The following TENM3 variants were observed in gnomAD, a reference collection of about 807,000 sequenced individuals.
TENM3 encodes the protein teneurin transmembrane protein 3.
TENM3 carries 63 observed loss-of-function variants against 255.1 expected under a neutral mutation model. The observed-to-expected ratio is 0.25, with a 90% CI of 0.20 to 0.30. The LOEUF is 0.30. Among genes scored for constraint, TENM3 ranks in the 10% least tolerant of loss-of-function variants. TENM3 has a pLI of 1.00. For missense variants in TENM3, 2,929 were observed against 3,461.1 expected (o/e 0.85, Z 3.86); for synonymous variants, 1,306 against 1,322.3 (o/e 0.99, Z 0.27).
At chr4:181,973,793 C>T in the TENM3 span, among the ~76,000 whole-genome samples, 2 of 152,026 alleles carry the variant, frequency 1.3e-5, no homozygotes, top group Non-Finnish European at 2.9e-5. Context: ...AAGTAGAATA[C>T]AGTCAATGGA....
the TENM3 span, among the ~76,000 whole-genome samples, chr4:181,634,879 T>C: frequency 1.2e-4 from 18 of 152,364 alleles, no homozygotes; most frequent in African/African-American, 4.1e-4. Context: ...AAATTACTTG[T>C]ATTATTTTGA....
At chr4:181,959,635 G>A in the TENM3 span, among the ~76,000 whole-genome samples, 1 of 152,118 alleles carries the variant, frequency 6.6e-6, no homozygotes, top group Non-Finnish European at 1.5e-5. Context: ...ATCTTTTTCT[G>A]TCTTTTCACT....
the TENM3 span, among the ~76,000 whole-genome samples, chr4:182,004,985 T>G: frequency 6.6e-6 from 1 of 152,182 alleles, no homozygotes; most frequent in East Asian, 1.9e-4. Context: ...GTCAGACGGG[T>G]AGATTGCAAA....
chr4:182,567,925 A>C (rs1432551138), intron 3 of TENM3, among the ~76,000 whole-genome samples: 2 of 151,838 alleles, frequency 1.3e-5, no homozygotes, highest in African/African-American at 4.8e-5. Flanking sequence ...GCACATGCAT[A>C]GTAAGTGCTT....
intron 3 of TENM3, among the ~76,000 whole-genome samples, chr4:182,557,692 C>G (rs532067426): frequency 1.6e-4 from 24 of 152,134 alleles, no homozygotes; most frequent in Non-Finnish European, 2.6e-4. Context: ...CACACAGTCT[C>G]CCTTTCTGCA....
chr4:182,529,495 G>T (rs1739561043), intron 3 of TENM3, among the ~76,000 whole-genome samples: 1 of 152,062 alleles, frequency 6.6e-6, no homozygotes. Flanking sequence ...TTTGTCTAGG[G>T]TTGTGAATCC....
intron 1 of TENM3, among the ~76,000 whole-genome samples, chr4:182,304,249 G>T (rs565027386): frequency 6.6e-6 from 1 of 151,638 alleles, no homozygotes; most frequent in Non-Finnish European, 1.5e-5. Context: ...GTCTTGCTCT[G>T]TTGCCCAGGC....
intron 1 of TENM3, among the ~76,000 whole-genome samples, chr4:182,198,216 C>T (rs1300939450): frequency 6.6e-6 from 1 of 152,230 alleles, no homozygotes; most frequent in Admixed American, 6.5e-5. Flanking sequence ...AATATCTTCC[C>T]TACACATTCT....
chr4:182,407,438 A>G (rs1484534995), intron 3 of TENM3, among the ~76,000 whole-genome samples: 3 of 152,218 alleles, frequency 2.0e-5, no homozygotes, highest in Admixed American at 6.5e-5. Flanking sequence ...TGAAACCTCT[A>G]TAAAGAAATG....
chr4:182,280,711 A>G (rs1760324760), intron 1 of TENM3, among the ~76,000 whole-genome samples: 1 of 152,178 alleles, frequency 6.6e-6, no homozygotes, highest in African/African-American at 2.4e-5. Context: ...CATCTGTGCC[A>G]CAAACCTGGC....
At chr4:182,582,752 C>T (rs1157925877) in intron 3 of TENM3, among the ~76,000 whole-genome samples, 1 of 152,060 alleles carries the variant, frequency 6.6e-6, no homozygotes, top group Non-Finnish European at 1.5e-5. Context: ...AAAATCGATT[C>T]TAGCTAATGG....
At chr4:182,776,139 T>C (rs1380355925) in intron 24 of TENM3, among the ~76,000 whole-genome samples, 2 of 152,122 alleles carry the variant, frequency 1.3e-5, no homozygotes, top group Non-Finnish European at 2.9e-5. Flanking sequence ...AGGCTGGGCG[T>C]TGGTGGTTCA....
intron 1 of TENM3, among the ~76,000 whole-genome samples, chr4:182,206,117 C>G (rs1033393825): frequency 1.3e-5 from 2 of 150,930 alleles, no homozygotes; most frequent in African/African-American, 4.9e-5. Flanking sequence ...TTGAGTTGTT[C>G]ACATTTAAAA....
chr4:181,532,655 A>G, the TENM3 span, among the ~76,000 whole-genome samples: 1 of 152,202 alleles, frequency 6.6e-6, no homozygotes, highest in East Asian at 1.9e-4. Flanking sequence ...TTTAAAAAGT[A>G]AAGGAATTAG....
the TENM3 span, among the ~76,000 whole-genome samples, chr4:181,675,178 A>G: frequency 1.3e-5 from 2 of 152,286 alleles, no homozygotes; most frequent in African/African-American, 4.8e-5. Flanking sequence ...AAGAGCAGAT[A>G]GAATGCCCTT....
the TENM3 span, among the ~76,000 whole-genome samples, chr4:181,766,503 C>A: frequency 6.6e-6 from 1 of 152,116 alleles, no homozygotes; most frequent in African/African-American, 2.4e-5. Context: ...TAGTTCCCAG[C>A]ACCAGGTACA....
chr4:182,186,630 A>T (rs1487684817), intron 1 of TENM3, among the ~76,000 whole-genome samples: 1 of 150,828 alleles, frequency 6.6e-6, no homozygotes, highest in Non-Finnish European at 1.5e-5. Context: ...CAATGTATTG[A>T]CTTCTGGATC....
chr4:181,840,703 T>C, the TENM3 span, among the ~76,000 whole-genome samples: 1 of 152,108 alleles, frequency 6.6e-6, no homozygotes, highest in East Asian at 1.9e-4. Context: ...ATTTACCCCC[T>C]TAGGTGCAGG....
the TENM3 span, among the ~76,000 whole-genome samples, chr4:182,095,291 G>T: frequency 6.6e-6 from 1 of 152,130 alleles, no homozygotes; most frequent in Non-Finnish European, 1.5e-5. Context: ...CCCATCAACA[G>T]ATGAACCGAT....
Sources: allele counts gnomAD v4.1 joint callset (sites outside exome capture counted in the v4.1 genomes callset), GRCh38; gene constraint gnomAD v4.1.1; transcripts MANE v1.5; gene names NCBI Gene and HGNC (gene_info 2026-07-23, HGNC 2026-07-21).